RBFOX2: variants seen among roughly 807,000 people sequenced by gnomAD.
RBFOX2 encodes the protein RNA binding protein fox-1 homolog 2.
RBFOX2 carries 10 observed loss-of-function variants against 49.1 expected under a neutral mutation model. That is an observed-to-expected ratio of 0.20 (90% CI 0.13 to 0.35). The LOEUF (loss-of-function observed/expected upper bound fraction) is 0.35, where lower values mean the gene tolerates loss of function less well. RBFOX2 is among the 10% of genes least tolerant of loss of function. The pLI, the probability that RBFOX2 is intolerant of heterozygous loss-of-function variation, is 1.00. For synonymous variants in RBFOX2, 183 were observed against 187.4 expected (o/e 0.98, Z 0.19); for missense variants, 323 against 486.9 (o/e 0.66, Z 3.17).
chr22:35,963,998 G>A (rs865886155), upstream of RBFOX2, among the ~76,000 whole-genome samples: 10 of 152,082 alleles, frequency 6.6e-5, no homozygotes, highest in African/African-American at 1.7e-4. Context: ...TCCACACCTC[G>A]GCCTTCCAAA....
intron 1 of RBFOX2, among the ~76,000 whole-genome samples, chr22:35,952,670 T>C (rs1012837618): frequency 1.3e-5 from 2 of 152,230 alleles, no homozygotes; most frequent in African/African-American, 4.8e-5. Flanking sequence ...ACATACTTCC[T>C]CTTTACTTTC....
chr22:35,747,528 A>G (rs1195012319), intron 9 of RBFOX2: 1 of 152,228 alleles, frequency 6.6e-6, no homozygotes, highest in Non-Finnish European at 1.5e-5. Flanking sequence ...GGTTTTCACT[A>G]TCAGGGTGAA....
At chr22:35,849,457 A>T (rs995660060) in intron 1 of RBFOX2, among the ~76,000 whole-genome samples, 2 of 152,188 alleles carry the variant, frequency 1.3e-5, no homozygotes, top group Admixed American at 1.3e-4. Flanking sequence ...GCACTGGGAA[A>T]GCTAGGCTCT....
At chr22:35,778,509 A>C (rs1292064099) in intron 3 of RBFOX2, among the ~76,000 whole-genome samples, 1 of 152,214 alleles carries the variant, frequency 6.6e-6, no homozygotes, top group Non-Finnish European at 1.5e-5. Flanking sequence ...AAACAAAAGG[A>C]AAAGGGAAAA....
intron 1 of RBFOX2, among the ~76,000 whole-genome samples, chr22:35,936,454 G>C (rs751902202): frequency 6.6e-6 from 1 of 152,040 alleles, no homozygotes; most frequent in Non-Finnish European, 1.5e-5. Flanking sequence ...AGTTCACAAG[G>C]TTAGGCGCAT....
chr22:35,808,226 G>A (rs1366289410), intron 2 of RBFOX2, among the ~76,000 whole-genome samples: 1 of 152,160 alleles, frequency 6.6e-6, no homozygotes, highest in Non-Finnish European at 1.5e-5. Flanking sequence ...GTACGTTTAT[G>A]ATTCTAGAAC....
chr22:35,928,540 A>G (rs944798932), intron 1 of RBFOX2, among the ~76,000 whole-genome samples: 4 of 152,242 alleles, frequency 2.6e-5, no homozygotes, highest in Admixed American at 2.6e-4. Context: ...GCAGAGAGGC[A>G]AATGCCTGTT....
intron 1 of RBFOX2, among the ~76,000 whole-genome samples, chr22:35,830,782 T>C (rs973977391): frequency 6.6e-6 from 1 of 152,052 alleles, no homozygotes; most frequent in Non-Finnish European, 1.5e-5. Context: ...TATAACTACA[T>C]GAAAAATGTT....
At chr22:35,773,712 T>C (rs1048070865) in intron 4 of RBFOX2, among the ~76,000 whole-genome samples, 11 of 152,176 alleles carry the variant, frequency 7.2e-5, no homozygotes, top group Non-Finnish European at 1.0e-4. Flanking sequence ...ATCCATTCAA[T>C]AGAGGATATA....
At chr22:35,813,736 T>G (rs965725945) in intron 1 of RBFOX2, among the ~76,000 whole-genome samples, 9 of 152,218 alleles carry the variant, frequency 5.9e-5, no homozygotes, top group Admixed American at 1.3e-4. Context: ...TCGTACATAA[T>G]AAATATGAAG....
intron 1 of RBFOX2, chr22:35,993,065 A>T (rs1048131019): frequency 6.6e-6 from 1 of 152,250 alleles, no homozygotes; most frequent in Non-Finnish European, 1.5e-5. Flanking sequence ...ATGTCCAAAC[A>T]GCTTTATTCC....
chr22:36,018,213 A>G (rs576682141), intron 1 of RBFOX2, among the ~76,000 whole-genome samples: 1 of 152,346 alleles, frequency 6.6e-6, no homozygotes, highest in Admixed American at 6.5e-5. Context: ...GCAGACATTC[A>G]ATCAAGTATT....
chr22:36,011,746 A>G (rs1489266590), intron 1 of RBFOX2, among the ~76,000 whole-genome samples: 1 of 152,208 alleles, frequency 6.6e-6, no homozygotes, highest in Admixed American at 6.5e-5. Flanking sequence ...ATATATATGC[A>G]TTAAGAAAAT....
intron 1 of RBFOX2, among the ~76,000 whole-genome samples, chr22:35,862,241 C>G (rs1418759730): frequency 6.6e-6 from 1 of 152,008 alleles, no homozygotes; most frequent in Non-Finnish European, 1.5e-5. Context: ...ATGCCAAAAC[C>G]TAACAAATTA....
At chr22:35,894,925 CA>C (rs1251363477) in intron 1 of RBFOX2, among the ~76,000 whole-genome samples, 2 of 149,154 alleles carry the variant, frequency 1.3e-5, no homozygotes, top group Middle Eastern at 3.2e-3. Context: ...AACTGGGGGG[CA>C]AGAGTTTGAG....
At chr22:35,864,490 T>G (rs767033796) in intron 1 of RBFOX2, among the ~76,000 whole-genome samples, 7 of 152,204 alleles carry the variant, frequency 4.6e-5, no homozygotes, top group African/African-American at 1.7e-4. Flanking sequence ...AGGTGAACAT[T>G]TGGTACAGGT....
chr22:35,989,647 T>C (rs572810641), intron 1 of RBFOX2, among the ~76,000 whole-genome samples: 3 of 151,728 alleles, frequency 2.0e-5, no homozygotes, highest in African/African-American at 7.3e-5. Context: ...TTAAAGTTGA[T>C]GAAAAAAAGA....
intron 2 of RBFOX2, among the ~76,000 whole-genome samples, chr22:35,806,303 TAA>T (rs902292023): frequency 1.4e-5 from 2 of 145,766 alleles, no homozygotes; most frequent in African/African-American, 5.1e-5. Flanking sequence ...AAGGAGATCT[TAA>T]AAAAAAAAAC....
chr22:35,949,548 G>A (rs1302364193), intron 1 of RBFOX2, among the ~76,000 whole-genome samples: 2 of 152,154 alleles, frequency 1.3e-5, no homozygotes, highest in East Asian at 1.9e-4. Context: ...CAATCTCTCC[G>A]TATTCTTACT....
Sources: gnomAD v4.1 joint callset for allele counts (sites outside exome capture counted in the v4.1 genomes callset) on GRCh38, gnomAD v4.1.1 for gene constraint, MANE v1.5 for transcripts, NCBI Gene and HGNC (gene_info 2026-07-23, HGNC 2026-07-21) for gene names.